The following POLE2 variants were observed in gnomAD, a reference collection of about 807,000 sequenced individuals.
POLE2 encodes the protein DNA polymerase epsilon subunit 2.
POLE2 carries 56 observed loss-of-function variants against 79.4 expected under a neutral mutation model. The ratio of observed to expected loss-of-function variants is 0.71; its 90% CI spans 0.57 to 0.88. POLE2 has a LOEUF of 0.88. Among genes scored for constraint, POLE2 ranks in the 40% least tolerant of loss-of-function variants. The probability of loss-of-function intolerance (pLI) is 0.00; values close to 1 mark genes in which losing one functional copy is unlikely to be tolerated. For missense variants in POLE2, 598 were observed against 638.9 expected (o/e 0.94, Z 0.69); for synonymous variants, 212 against 214.0 (o/e 0.99, Z 0.08).
intron 1 of POLE2, among the ~76,000 whole-genome samples, chr14:49,687,158 G>A (rs45498196): frequency 0.021 from 3,193 of 151,786 alleles, 50 homozygotes; most frequent in Non-Finnish European, 0.033. Flanking sequence ...AGGTATGGTG[G>A]CCCATGCCTG....
chr14:49,650,581 G>GCT (rs1199347932), intron 16 of POLE2, 140 bp from the exon 17 acceptor site: 2 of 469,158 alleles, frequency 4.3e-6, no homozygotes, highest in Non-Finnish European at 7.3e-6. Flanking sequence ...GACTCACAGA[G>GCT]CTTTGGGAGA....
chr14:49,653,226 A>G (rs576925206), intron 15 of POLE2, among the ~76,000 whole-genome samples: 95 of 152,310 alleles, frequency 6.2e-4, no homozygotes, highest in African/African-American at 2.2e-3. Flanking sequence ...ATAAATGTGG[A>G]AGGTGTCAAT....
intron 18 of POLE2, 105 bp from the exon 19 acceptor site, chr14:49,643,775 A>C (rs1024745419): frequency 4.8e-5 from 27 of 564,916 alleles, no homozygotes; most frequent in African/African-American, 4.8e-4. Context: ...ATTTTTAAAA[A>C]CAGGTCAATA....
At position 49,688,179 on chromosome 14, in the gene POLE2, G is replaced by C. The variant is rs778008374; in HGVS notation, c.25C>G (p.Arg9Gly). Reference sequence around the variant, plus strand: ...CGCAACTTGAAGGCGGAGAGCGCCCGGCTCCGCAGCCGCTCCGGCGCCATA... The same window carrying C: ...CGCAACTTGAAGGCGGAGAGCGCCCCGCTCCGCAGCCGCTCCGGCGCCATA... MAPERLRS[R>G]ALSAFKLRGL... Residue 9 changes from arginine to glycine, a missense_variant, in exon 1 of 19, where the codon CGG becomes GGG. Transcript: ENST00000216367. The C allele has an allele frequency of 2.1e-5, 33 of 1,543,798 alleles. No homozygotes were observed. The highest frequency in any genetic ancestry group is 1.8e-4 in the Middle Eastern group (1 of 5,586).
intron 3 of POLE2, chr14:49,677,878 C>A (rs544901686): frequency 3.3e-4 from 132 of 395,286 alleles, no homozygotes; most frequent in African/African-American, 2.6e-3. Context: ...CTGGCCAGCA[C>A]ACTGCCCAAA....
chr14:49,660,683 G>T (rs1311475688), intron 10 of POLE2, among the ~76,000 whole-genome samples: 1 of 151,982 alleles, frequency 6.6e-6, no homozygotes. Context: ...CCTGAGGTCG[G>T]GAGTTCAAGA....
At chr14:49,669,648 T>A (rs1361562300) in intron 5 of POLE2, 50 bp from the exon 6 acceptor site, 1 of 931,266 alleles carries the variant, frequency 1.1e-6, no homozygotes, top group Non-Finnish European at 1.8e-6. Context: ...CATTTAAATA[T>A]AAGATTCATT....
At chr14:49,653,556 C>G (rs1374164971) in intron 15 of POLE2, among the ~76,000 whole-genome samples, 2 of 152,120 alleles carry the variant, frequency 1.3e-5, no homozygotes, top group Non-Finnish European at 2.9e-5. Flanking sequence ...AATAAATTTT[C>G]TTCTTATATT....
chr14:49,685,440 G>A (rs2139700868), intron 1 of POLE2, among the ~76,000 whole-genome samples: 1 of 152,070 alleles, frequency 6.6e-6, no homozygotes, highest in East Asian at 1.9e-4. Context: ...GTTGCATCTT[G>A]GGACAGTTCT....
intron 18 of POLE2, among the ~76,000 whole-genome samples, chr14:49,646,312 T>G (rs1416587469): frequency 0.025 from 1,587 of 63,458 alleles, 106 homozygotes; most frequent in African/African-American, 0.054. Flanking sequence ...GTTTTTTTTT[T>G]TTTTTTTTTT....
intron 6 of POLE2, 30 bp from the exon 7 acceptor site, chr14:49,666,443 C>T: frequency 1.0e-6 from 1 of 973,616 alleles, no homozygotes; most frequent in South Asian, 1.8e-5. Flanking sequence ...ATTTTAAAGA[C>T]TGTAAATATA....
chr14:49,669,340 T>C (rs1885710060), intron 6 of POLE2, among the ~76,000 whole-genome samples, 184 bp downstream of exon 6: 1 of 152,236 alleles, frequency 6.6e-6, no homozygotes, highest in Non-Finnish European at 1.5e-5. Flanking sequence ...TAGCTTCTGT[T>C]AGAGATTTGT....
chr14:49,664,362 A>G (rs1180320341), intron 9 of POLE2, among the ~76,000 whole-genome samples: 6 of 147,798 alleles, frequency 4.1e-5, no homozygotes, highest in Non-Finnish European at 1.5e-5. Flanking sequence ...AAAAAAAAGA[A>G]AAAAAAAAAA....
At chr14:49,661,328 G>A (rs1177531762) in intron 10 of POLE2, among the ~76,000 whole-genome samples, 1 of 152,152 alleles carries the variant, frequency 6.6e-6, no homozygotes, top group East Asian at 1.9e-4. Context: ...CCTTAGATAT[G>A]GTAACTGATA....
chr14:49,681,356 T>C (rs1015386291), intron 2 of POLE2: 5 of 209,948 alleles, frequency 2.4e-5, no homozygotes, highest in African/African-American at 1.2e-4. Flanking sequence ...CCGAAGTATA[T>C]GGCTGAAATG....
Position 49,683,593 on chromosome 14 carries a change from A to C in POLE2, c.169T>G (p.Leu57Val). 7.2e-7 allele frequency: 1 copy of C among 1,393,080 alleles called. No homozygotes were observed. Among genetic ancestry groups the C allele is most frequent in the Non-Finnish European group, 1.0e-6 (1 of 984,316 alleles). The allele number at this position is 1,393,080 out of a possible 1,614,324, so 86.3% of individuals were successfully genotyped here. A position where few individuals can be genotyped will look rare whatever the true frequency, so the allele number is the denominator to read the frequency against. ...GGAGTTATCAGAAAATATTACTTAC[A>C]GGGTTGCTTCTCAACTGCATTAATT... ...KIINAVEKQP[L>V]SSNMIERSVV... Residue 57 changes from leucine (L) to valine (V), a missense_variant and splice_region_variant, in exon 2 of 19, where the codon TTG becomes GTG. Transcript: ENST00000216367.
intron 10 of POLE2, among the ~76,000 whole-genome samples, chr14:49,658,076 C>CT (rs745935612): frequency 0.051 from 7,316 of 144,260 alleles, 550 homozygotes; most frequent in African/African-American, 0.16. Context: ...CTCTGGTCAT[C>CT]TTTTTTTTTT....
chr14:49,676,795 T>C (rs1886308645), intron 3 of POLE2, among the ~76,000 whole-genome samples: 1 of 152,208 alleles, frequency 6.6e-6, no homozygotes, highest in African/African-American at 2.4e-5. Flanking sequence ...TCCTGGTCGT[T>C]GCTATGTGCC....
rs1180992191 is a variant in POLE2 at position 49,683,663 on chromosome 14, A to C, written c.99T>G (p.Leu33=). ...GEAIKYLTEA[L]QSISELELED... ...CAAGCTCTAATTCACTGATAGACTG[A>C]AGAGCTTCTGTGAGGTACTTAATAG... The change falls in exon 2 of 19, where the codon CTT becomes CTG. Residue 33 remains leucine (L), a synonymous_variant. Transcript: ENST00000216367. The C allele has an allele frequency of 3.8e-6, 6 of 1,590,014 alleles. No individual in the cohort carries two copies. The highest frequency in any genetic ancestry group is 5.2e-6 in the Non-Finnish European group (6 of 1,160,846).
Sources: gnomAD v4.1 joint callset for allele counts (sites outside exome capture counted in the v4.1 genomes callset) on GRCh38, gnomAD v4.1.1 for gene constraint, MANE v1.5 for transcripts, NCBI Gene and HGNC (gene_info 2026-07-23, HGNC 2026-07-21) for gene names.